MFSD6: variants seen among roughly 807,000 people sequenced by gnomAD.
MFSD6 encodes the protein major facilitator superfamily domain containing 6, also known as major facilitator superfamily domain-containing protein 6.
Under a neutral mutation model 56.3 loss-of-function variants are expected in MFSD6, and 26 were observed. That is an observed-to-expected ratio of 0.46 (90% CI 0.34 to 0.64). MFSD6 has a LOEUF of 0.64. Ranked by LOEUF, MFSD6 falls within the 30% of genes least tolerant of loss-of-function variation. The probability of loss-of-function intolerance (pLI) is 0.01; values close to 1 mark genes in which losing one functional copy is unlikely to be tolerated. For missense variants in MFSD6, 750 were observed against 986.2 expected, an observed-to-expected ratio of 0.76 and a Z score of 3.21; for synonymous variants, 331 against 366.9, an observed-to-expected ratio of 0.90 and a Z score of 1.12.
rs759767892 is a variant in MFSD6 at position 190,439,625 on chromosome 2, C to T, written c.1532+2064C>T. Among the ~76,000 whole-genome samples the T allele has an allele frequency of 6.6e-5, 10 of 152,132 alleles. No homozygotes were observed. Among genetic ancestry groups the T allele is most frequent in the Non-Finnish European group, 1.0e-4 (7 of 68,026 alleles). ...TCTTTCCTGTGTAGTATTAGTTACT[C>T]ATCATTTCAAAATTCACTTAACCTT... On this transcript the variant is annotated intron_variant, in intron 3 of 7. Coordinates refer to ENST00000392328, the MANE Select transcript of MFSD6 (RefSeq NM_017694.4). The surrounding 1 kb of genome is among the most constrained non-coding windows in gnomAD (Gnocchi z 5.8).
At chr2:190,484,415 ATTTTCT>A (rs1688891167) in intron 4 of MFSD6, among the ~76,000 whole-genome samples, 1 of 152,166 alleles carries the variant, frequency 6.6e-6, no homozygotes, top group Admixed American at 6.5e-5. Flanking sequence ...AAGTAGAAGC[ATTTTCT>A]TTTTCTAGTT....
Position 190,463,954 on chromosome 2 carries a change from C to A in MFSD6, c.1533-5804C>A, listed in dbSNP as rs2125125301. On this transcript the variant is annotated intron_variant, in intron 3 of 7. Coordinates refer to ENST00000392328, the MANE Select transcript of MFSD6 (RefSeq NM_017694.4). This position sits in a 1 kb window ranked among gnomAD's most constrained non-coding sequence, Gnocchi z 4.4. ...TATGAGGCAGACTGTAGACTGTGCT[C>A]CAGGGATCTGGTGTCAACAACCAGC... 1 of 917,478 alleles carries A rather than the reference C, an allele frequency of 1.1e-6. No homozygotes were observed. The highest frequency in any genetic ancestry group is 5.0e-5 in the South Asian group (1 of 19,934). The allele number at this position is 917,478 out of a possible 1,614,324, so 56.8% of individuals were successfully genotyped here.
intron 3 of MFSD6, among the ~76,000 whole-genome samples, chr2:190,441,841 C>T (rs1421030305): frequency 6.6e-6 from 1 of 152,078 alleles, no homozygotes; most frequent in Admixed American, 6.5e-5. Flanking sequence ...TGCCCAAGGC[C>T]GTGGAGAGGC....
chr2:190,441,246 G>C (rs181230124), intron 3 of MFSD6, among the ~76,000 whole-genome samples: 1 of 151,996 alleles, frequency 6.6e-6, no homozygotes, highest in Non-Finnish European at 1.5e-5. Flanking sequence ...GTCTGTTCTC[G>C]TGTCTTCTAC....
rs1367371483 is a variant in MFSD6, at chr2:190,496,652, G to A, written c.1892-787G>A. ...TATATGTGTGTATATATATGTATAT[G>A]TGTATATGTGTGTGTATGTGTGTGT... On this transcript the variant is annotated intron_variant, in intron 6 of 7. Transcript: ENST00000392328. This position sits in a 1 kb window ranked among gnomAD's most constrained non-coding sequence, Gnocchi z 4.7. Among the ~76,000 whole-genome samples, 1 of 151,172 alleles carries A rather than the reference G, an allele frequency of 6.6e-6. No homozygotes were observed. Among genetic ancestry groups the A allele is most frequent in the Non-Finnish European group, 1.5e-5 (1 of 67,894 alleles).
In MFSD6 at chr2:190,412,849, T is replaced by C. The variant is rs539113844; in HGVS notation, c.-175-2443T>C. On this transcript the variant is annotated intron_variant, in intron 1 of 7. Coordinates refer to ENST00000392328, the MANE Select transcript of MFSD6 (RefSeq NM_017694.4). This position sits in a 1 kb window ranked among gnomAD's most constrained non-coding sequence, Gnocchi z 4.1. The stretch of plus-strand genomic sequence containing the variant: ...TTTTTGATTGCCCACATTTGGATGA[T>C]ATTTATTTACTGTTTTTGCAAAATG... Among the ~76,000 whole-genome samples the C allele has an allele frequency of 6.6e-6, 1 of 152,354 alleles. No homozygotes were observed. The highest frequency in any genetic ancestry group is 2.1e-4 in the South Asian group (1 of 4,832).
At chr2:190,408,721 T>C (rs1461196065) in intron 1 of MFSD6, among the ~76,000 whole-genome samples, 2 of 142,452 alleles carry the variant, frequency 1.4e-5, no homozygotes, top group Non-Finnish European at 3.0e-5. Flanking sequence ...CTCCCCCGGC[T>C]TCCGTGTCGG....
intron 2 of MFSD6, among the ~76,000 whole-genome samples, chr2:190,427,112 A>G (rs1472225160): frequency 6.6e-6 from 1 of 152,178 alleles, no homozygotes; most frequent in Non-Finnish European, 1.5e-5. Context: ...CTGATTCTCT[A>G]CTGTAACTCC....
At chr2:190,411,424 C>G in intron 1 of MFSD6, 3 of 955,502 alleles carry the variant, frequency 3.1e-6, no homozygotes, top group Non-Finnish European at 3.7e-6. Context: ...TCCCAAAGTG[C>G]TGGGATTACA....
intron 3 of MFSD6, among the ~76,000 whole-genome samples, chr2:190,444,436 T>C (rs1021761039): frequency 6.6e-6 from 1 of 152,212 alleles, no homozygotes; most frequent in Non-Finnish European, 1.5e-5. Flanking sequence ...TGTCAGTTTT[T>C]AAAATGTGAA....
At chr2:190,446,015 T>C (rs1686570289) in intron 3 of MFSD6, among the ~76,000 whole-genome samples, 1 of 152,164 alleles carries the variant, frequency 6.6e-6, no homozygotes, top group African/African-American at 2.4e-5. Flanking sequence ...TGCCTCCTCC[T>C]TGATCAATCA....
At position 190,501,004 on chromosome 2, in the gene MFSD6, T is replaced by C. The variant is rs1054234852; in HGVS notation, c.*786T>C. 2 of 152,202 alleles carry C rather than the reference T, an allele frequency of 1.3e-5. No homozygotes were observed. The highest frequency in any genetic ancestry group is 4.8e-5 in the African/African-American group (2 of 41,438). 9.4% of individuals were successfully genotyped at this position (152,202 alleles called of 1,614,324 possible). ...ACCAACTCAGTATCCTGTGTTTTGA[T>C]AGACAAGAGTTTACTAAATATATTG... On this transcript the variant is annotated 3_prime_UTR_variant, in exon 8 of 8. Transcript: ENST00000392328.
Position 190,463,819 on chromosome 2 carries a change from CAAAAAT to C in MFSD6, c.1533-5935_1533-5930del. On this transcript the variant is annotated intron_variant, in intron 3 of 7. Transcript: ENST00000392328. This position sits in a 1 kb window ranked among gnomAD's most constrained non-coding sequence, Gnocchi z 4.4. ...TGGGTAACAGAGCAAGACCCTGTCT[CAAAAAT>C]AAATAAATAAATAAAATAAAAATAA... 1 of 933,962 alleles carries C rather than the reference CAAAAAT, an allele frequency of 1.1e-6. No homozygotes were observed. The highest frequency in any genetic ancestry group is 1.8e-5 in the African/African-American group (1 of 56,164). The allele number at this position is 933,962 out of a possible 1,614,324, so 57.9% of individuals were successfully genotyped here.
intron 4 of MFSD6, among the ~76,000 whole-genome samples, chr2:190,482,399 CTTTT>C (rs576422479): frequency 4.9e-5 from 7 of 142,002 alleles, no homozygotes; most frequent in Non-Finnish European, 4.6e-5. Flanking sequence ...GGAAGCTTTC[CTTTT>C]TTTTTTTTTT....
intron 3 of MFSD6, among the ~76,000 whole-genome samples, chr2:190,449,989 G>A (rs537627822): frequency 2.0e-3 from 303 of 151,818 alleles, no homozygotes; most frequent in African/African-American, 5.6e-3. Context: ...CATTGTGCAC[G>A]TGTACCCTAA....
intron 4 of MFSD6, among the ~76,000 whole-genome samples, chr2:190,482,903 T>TTTTTTG (rs544591315): frequency 0.085 from 7,256 of 85,868 alleles, 2,709 homozygotes; most frequent in Non-Finnish European, 0.12. Flanking sequence ...TTTTTTTTTT[T>TTTTTTG]AGACGGAGTC....
intron 1 of MFSD6, among the ~76,000 whole-genome samples, chr2:190,409,303 A>G (rs1402549700): frequency 6.6e-6 from 1 of 152,096 alleles, no homozygotes; most frequent in Non-Finnish European, 1.5e-5. Flanking sequence ...CCATCCCCAC[A>G]TGGACAGACA....
At chr2:190,484,423 T>C (rs553614507) in intron 4 of MFSD6, among the ~76,000 whole-genome samples, 1 of 152,362 alleles carries the variant, frequency 6.6e-6, no homozygotes, top group Admixed American at 6.5e-5. Flanking sequence ...GCATTTTCTT[T>C]TTCTAGTTTA....
rs1689844636 is a variant in MFSD6, at chr2:190,498,638, TTACTC to T, written c.2172+921_2172+925del. 6.6e-6 allele frequency among the ~76,000 whole-genome samples: 1 copy of T among 152,154 alleles called. No homozygotes were observed. Among genetic ancestry groups the T allele is most frequent in the Admixed American group, 6.5e-5 (1 of 15,272 alleles). ...TTATCAAGATAATAAACTCACATCATTACTCTGCTCAGTCAAGAACCAGATATTGT... is the reference window on the plus strand; with the variant it reads ...TTATCAAGATAATAAACTCACATCATTGCTCAGTCAAGAACCAGATATTGT... On this transcript the variant is annotated intron_variant, in intron 7 of 7. Coordinates refer to ENST00000392328, the MANE Select transcript of MFSD6 (RefSeq NM_017694.4). This position sits in a 1 kb window ranked among gnomAD's most constrained non-coding sequence, Gnocchi z 5.9.
Sources: gnomAD v4.1 joint callset for allele counts (sites outside exome capture counted in the v4.1 genomes callset) on GRCh38, gnomAD v4.1.1 for gene constraint, Gnocchi (gnomAD v3.1) non-coding constraint, MANE v1.5 for transcripts, NCBI Gene and HGNC (gene_info 2026-07-23, HGNC 2026-07-21) for gene names.